CD163: variants seen among roughly 807,000 people sequenced by gnomAD.
The protein encoded by CD163 is CD163 molecule, also known as scavenger receptor cysteine-rich type 1 protein M130.
A neutral mutation model predicts 129.2 loss-of-function variants in CD163; 64 were observed. The ratio of observed to expected loss-of-function variants is 0.50; its 90% CI spans 0.41 to 0.61. The LOEUF is 0.61. Among genes scored for constraint, CD163 ranks in the 20% least tolerant of loss-of-function variants. The pLI, the probability that CD163 is intolerant of heterozygous loss-of-function variation, is 0.00. For missense variants in CD163, 1,061 were observed against 1,377.9 expected (o/e 0.77, Z 3.64); for synonymous variants, 446 against 478.5 (o/e 0.93, Z 0.89).
In CD163 at chr12:7,478,096, A is replaced by C. The variant is rs76390919; in HGVS notation, c.*31+1764T>G. Among the ~76,000 whole-genome samples, 678 of 152,186 alleles carry C rather than the reference A, an allele frequency of 4.5e-3. 3 individuals carry two copies. Among genetic ancestry groups the C allele is most frequent in the African/African-American group, 0.016 (664 of 41,532 alleles). ...TCATTTTTCCAGTCATTACTCCATC[A>C]ATTGGCATTCACTTTGTTTCTAGTT... On this transcript the variant is annotated intron_variant, in intron 16 of 16. Transcript: ENST00000432237.
At chr12:7,482,517 T>G in intron 14 of CD163, 126 bp downstream of exon 14, 1 of 1,075,698 alleles carries the variant, frequency 9.3e-7, no homozygotes, top group Non-Finnish European at 1.3e-6. Flanking sequence ...CCCTCTGTTT[T>G]GAGAAACTGC....
At position 7,502,521 on chromosome 12, in the gene CD163, A is replaced by G. The variant is rs761148820; in HGVS notation, c.90T>C (p.Thr30=). The change falls in exon 2 of 17, where the codon ACT becomes ACC. Residue 30 remains threonine (T), a synonymous_variant. Transcript: ENST00000432237. ...AACAGGCACTGAGAAGTAAGACCAC[A>G]GTAATGGTGAAGGGACTCAAGTTGA... ...HFVNLSPFTI[T]VVLLLSACFV... 113 of 1,605,530 alleles carry G rather than the reference A, an allele frequency of 7.0e-5. 2 individuals are homozygous for G. In the Admixed American group the frequency reaches 9.6e-4, roughly 14 times the overall value.
At chr12:7,498,325 TGA>T (rs1949431670) in intron 4 of CD163, among the ~76,000 whole-genome samples, 1 of 152,148 alleles carries the variant, frequency 6.6e-6, no homozygotes, top group Non-Finnish European at 1.5e-5. Flanking sequence ...GCCCCCAGTC[TGA>T]GTATACAACG....
At chr12:7,498,243 A>C (rs777123177) in intron 4 of CD163, among the ~76,000 whole-genome samples, 2 of 152,116 alleles carry the variant, frequency 1.3e-5, no homozygotes, top group Admixed American at 6.6e-5. Context: ...GACACACTCA[A>C]TCTCCTTTTA....
intron 16 of CD163, among the ~76,000 whole-genome samples, chr12:7,474,763 C>T (rs1384981286): frequency 6.6e-6 from 1 of 151,980 alleles, no homozygotes; most frequent in Non-Finnish European, 1.5e-5. Flanking sequence ...ATGAAAAACC[C>T]TTCAAAAATC....
At chr12:7,495,741 T>C (rs1422695512) in intron 5 of CD163, among the ~76,000 whole-genome samples, 1 of 152,118 alleles carries the variant, frequency 6.6e-6, no homozygotes, top group Non-Finnish European at 1.5e-5. Flanking sequence ...TCAACAATGG[T>C]CATTAGAGAA....
At chr12:7,480,999 C>G in intron 15 of CD163, 162 bp downstream of exon 15, 2 of 1,343,276 alleles carry the variant, frequency 1.5e-6, no homozygotes, top group South Asian at 4.2e-5. Flanking sequence ...TTTTGATATT[C>G]TCCAAGAATA....
rs747562945 is a variant in CD163, at chr12:7,480,807, A to G, written c.3343+354T>C. The G allele has an allele frequency of 4.5e-6, 4 of 884,938 alleles. No homozygotes were observed. In the East Asian group the frequency reaches 4.1e-4, roughly 91 times the overall value. 54.8% of individuals were successfully genotyped at this position (884,938 alleles called of 1,614,324 possible). A position where few individuals can be genotyped will look rare whatever the true frequency, so the allele number is the denominator to read the frequency against. On this transcript the variant is annotated intron_variant, in intron 15 of 16. Coordinates refer to ENST00000432237, the MANE Select transcript of CD163 (RefSeq NM_203416.4). ...CATAAAATCATGTTGTATACCTTAA[A>G]TATACACAACAAAATTTAAAGAAAA... is the stretch of plus-strand genomic sequence containing the variant.
Position 7,487,842 on chromosome 12 carries a change from G to A in CD163, c.1666C>T (p.Leu556Phe). The A allele has an allele frequency of 6.2e-7, 1 of 1,614,136 alleles. No homozygotes were observed. Among genetic ancestry groups the A allele is most frequent in the Non-Finnish European group, 8.5e-7 (1 of 1,180,020 alleles). The change falls in exon 7 of 17, where the codon CTC becomes TTC. Residue 556 changes from leucine (L) to phenylalanine (F), a missense_variant. Physicochemically the swap from Leu to Phe is conservative, Grantham distance 22 (BLOSUM62 0). Transcript: ENST00000432237. The surrounding 1 kb of genome is among the most constrained non-coding windows in gnomAD (Gnocchi z 5.1). The stretch of plus-strand genomic sequence containing the variant: ...TCTGGGCGGGGTGCTACTGGGCAGA[G>A]TGAAAGATGGGACTCATGTCCCTCA... ...QCEGHESHLSLCPVAPRPEGT... is the reference protein window; with the variant it reads ...QCEGHESHLSFCPVAPRPEGT...
chr12:7,499,304 T>A, intron 3 of CD163, 116 bp from the exon 4 acceptor site: 1 of 854,468 alleles, frequency 1.2e-6, no homozygotes, highest in Admixed American at 2.4e-5. Context: ...GGTGCCTGAT[T>A]TTGGACATTG....
chr12:7,477,894 T>C (rs1043817547), intron 16 of CD163, among the ~76,000 whole-genome samples: 3 of 152,196 alleles, frequency 2.0e-5, no homozygotes, highest in Non-Finnish European at 4.4e-5. Context: ...TGCTTCAGAT[T>C]ATAAATCAAA....
intron 5 of CD163, among the ~76,000 whole-genome samples, chr12:7,495,989 G>C (rs756386175): frequency 1.2e-4 from 19 of 152,214 alleles, no homozygotes; most frequent in African/African-American, 4.3e-4. Flanking sequence ...ATACCCAAAG[G>C]ATTATAAATC....
intron 11 of CD163, among the ~76,000 whole-genome samples, chr12:7,484,892 T>A (rs1162603504): frequency 6.6e-6 from 1 of 152,252 alleles, no homozygotes; most frequent in East Asian, 1.9e-4. Flanking sequence ...TAGCTGATCC[T>A]GAATATCTAC....
At position 7,485,879 on chromosome 12, in the gene CD163, A is replaced by C. The variant is rs78288163; in HGVS notation, c.2459-463T>G. ...ACCAGATTTATGTCATTAAAATAGG[A>C]ATAAATCACTTCTGAGATACAGAGT... On this transcript the variant is annotated intron_variant, in intron 10 of 16. Coordinates refer to ENST00000432237, the MANE Select transcript of CD163 (RefSeq NM_203416.4). The surrounding 1 kb of genome is among the most constrained non-coding windows in gnomAD (Gnocchi z 4.5). Among the ~76,000 whole-genome samples the C allele has an allele frequency of 3.8e-3, 572 of 152,310 alleles. 27 individuals carry two copies. The East Asian group carries it at 0.092, about 24-fold the overall frequency.
At chr12:7,483,257 C>A in intron 12 of CD163, 110 bp downstream of exon 12, 1 of 1,007,222 alleles carries the variant, frequency 9.9e-7, no homozygotes, top group African/African-American at 1.6e-5. Context: ...TCTGAGAATC[C>A]CCACCAGATC....
chr12:7,487,973 G>A lies in CD163; in HGVS notation c.1535C>T (p.Ala512Val), dbSNP rs1182592859. 7 of 1,614,028 alleles carry A rather than the reference G, an allele frequency of 4.3e-6. No homozygotes were observed. Among genetic ancestry groups the A allele is most frequent in the Admixed American group, 1.7e-5 (1 of 60,002 alleles). Reference protein sequence around the residue: ...ICDSDFSLEAASVLCRELQCG... With the variant: ...ICDSDFSLEAVSVLCRELQCG... ...CTGTAATTCCCTGCATAGAACGCTGGCAGCTTCCAGAGAGAAGTCCGAATC... is the reference window on the plus strand; with the variant it reads ...CTGTAATTCCCTGCATAGAACGCTGACAGCTTCCAGAGAGAAGTCCGAATC... Residue 512 changes from alanine (A) to valine (V), a missense_variant, in exon 7 of 17, where the codon GCC becomes GTC. Coordinates refer to ENST00000432237, the MANE Select transcript of CD163 (RefSeq NM_203416.4). This position sits in a 1 kb window ranked among gnomAD's most constrained non-coding sequence, Gnocchi z 5.1.
intron 16 of CD163, among the ~76,000 whole-genome samples, chr12:7,475,730 T>A (rs567240242): frequency 2.7e-4 from 41 of 152,298 alleles, no homozygotes; most frequent in Non-Finnish European, 4.0e-4. Flanking sequence ...TATTGGAAGT[T>A]CTGGCCAGGG....
At chr12:7,480,748 G>T in intron 15 of CD163, 1 of 455,932 alleles carries the variant, frequency 2.2e-6, no homozygotes, top group Non-Finnish European at 2.9e-6. Context: ...CATTTGCTTT[G>T]CTTTAGTAAG....
intron 6 of CD163, among the ~76,000 whole-genome samples, chr12:7,489,328 T>C (rs1463915464): frequency 6.6e-6 from 1 of 152,156 alleles, no homozygotes; most frequent in Admixed American, 6.5e-5. Flanking sequence ...ATTGTTTCCT[T>C]GCTTCAAAGT....
Sources: allele counts gnomAD v4.1 joint callset (sites outside exome capture counted in the v4.1 genomes callset), GRCh38; gene constraint gnomAD v4.1.1; non-coding constraint Gnocchi (gnomAD v3.1); transcripts MANE v1.5; gene names NCBI Gene and HGNC (gene_info 2026-07-23, HGNC 2026-07-21).